CSMD1: variants seen among roughly 807,000 people sequenced by gnomAD.
The protein encoded by CSMD1 is CUB and sushi domain-containing protein 1.
In CSMD1, 213 loss-of-function variants were observed where a neutral mutation model predicts 417.5. That is an observed-to-expected ratio of 0.51 (90% CI 0.46 to 0.57). The LOEUF (loss-of-function observed/expected upper bound fraction) is 0.57. Among genes scored for constraint, CSMD1 ranks in the 20% least tolerant of loss-of-function variants. The pLI, the probability that CSMD1 is intolerant of heterozygous loss-of-function variation, is 0.00. For missense variants in CSMD1, 6,923 were observed against 4,529.7 expected (o/e 1.53, Z -15.17); for synonymous variants, 2,862 against 1,736.8 (o/e 1.65, Z -16.11).
chr8:3,360,242 T>C (rs147020444), intron 20 of CSMD1, among the ~76,000 whole-genome samples: 1,550 of 152,338 alleles, frequency 0.01, 30 homozygotes, highest in Middle Eastern at 0.034. Context: ...AAGTGCTAAA[T>C]ATAAATTAAA....
intron 50 of CSMD1, among the ~76,000 whole-genome samples, chr8:3,046,606 C>T (rs1475385343): frequency 6.6e-6 from 1 of 152,174 alleles, no homozygotes; most frequent in African/African-American, 2.4e-5. Context: ...TCTCCCTCCA[C>T]CACGGTACAG....
At chr8:4,944,316 A>T (rs187703927) in intron 1 of CSMD1, among the ~76,000 whole-genome samples, 244 of 152,362 alleles carry the variant, frequency 1.6e-3, no homozygotes, top group African/African-American at 5.7e-3. Context: ...TACAGAGCAG[A>T]CCAAGAGAAG....
chr8:4,840,476 CTTTTG>C (rs1184161867), intron 1 of CSMD1, among the ~76,000 whole-genome samples: 1 of 152,122 alleles, frequency 6.6e-6, no homozygotes, highest in African/African-American at 2.4e-5. Flanking sequence ...CACGTTAGGT[CTTTTG>C]TTTTATTCGA....
chr8:3,228,721 T>C (rs1197793578), intron 27 of CSMD1, among the ~76,000 whole-genome samples: 1 of 151,938 alleles, frequency 6.6e-6, no homozygotes, highest in Non-Finnish European at 1.5e-5. Context: ...AGGGATTAAC[T>C]CGTAGTTATA....
chr8:4,519,298 G>A (rs1243684720), intron 2 of CSMD1, among the ~76,000 whole-genome samples: 3 of 151,972 alleles, frequency 2.0e-5, no homozygotes, highest in Admixed American at 6.6e-5. Flanking sequence ...TTAAATGGAA[G>A]AGTACCTAAA....
chr8:4,894,564 A>AG (rs1372835858), intron 1 of CSMD1, among the ~76,000 whole-genome samples: 2 of 38,532 alleles, frequency 5.2e-5, no homozygotes, highest in Non-Finnish European at 7.3e-5. Context: ...AAAAAGAAAA[A>AG]AAAAAAAAAA....
At chr8:4,218,428 T>C (rs1348219633) in intron 3 of CSMD1, among the ~76,000 whole-genome samples, 1 of 152,234 alleles carries the variant, frequency 6.6e-6, no homozygotes, top group East Asian at 1.9e-4. Context: ...ATTATATACC[T>C]ACTTTTATTC....
chr8:4,382,883 A>G (rs767269718), intron 3 of CSMD1, among the ~76,000 whole-genome samples: 19 of 152,202 alleles, frequency 1.2e-4, no homozygotes, highest in Non-Finnish European at 2.6e-4. Context: ...CAGTAAGATT[A>G]AATAAATTGT....
chr8:3,142,721 T>A, intron 40 of CSMD1, 47 bp from the exon 41 acceptor site: 1 of 1,427,892 alleles, frequency 7.0e-7, no homozygotes, highest in Non-Finnish European at 9.9e-7. Flanking sequence ...TCAAAATGTA[T>A]AAAATCAATG....
intron 3 of CSMD1, among the ~76,000 whole-genome samples, chr8:4,237,025 A>G (rs1049276304): frequency 3.3e-5 from 5 of 152,196 alleles, no homozygotes; most frequent in African/African-American, 1.2e-4. Flanking sequence ...CCATTGCTTC[A>G]TGGATATATG....
At position 4,680,968 on chromosome 8, in the gene CSMD1, G is replaced by GTT. The variant is rs1163816202; in HGVS notation, c.86-43411_86-43410insAA. 1.1e-4 allele frequency among the ~76,000 whole-genome samples: 14 copies of GTT among 123,038 alleles called. No homozygotes were observed. The East Asian group carries it at 3.5e-3, about 31-fold the overall frequency. 80.7% of individuals were successfully genotyped at this position (123,038 alleles called of 152,430 possible). A position where few individuals can be genotyped will look rare whatever the true frequency, so the allele number is the denominator to read the frequency against. On this transcript the variant is annotated intron_variant, in intron 1 of 69. Coordinates refer to ENST00000635120, the MANE Select transcript of CSMD1 (RefSeq NM_033225.6). ...TATATTGATGTGTGTGTGTGTGTGT[G>GTT]TGTGTGTGAGAGAGAGAGAGAGAGA... is the stretch of plus-strand genomic sequence containing the variant.
rs1269693129 is a variant in CSMD1 at position 3,300,980 on chromosome 8, A to G, written c.3950+6715T>C. On this transcript the variant is annotated intron_variant, in intron 25 of 69. Transcript: ENST00000635120. ...TCTCAAAAAAAAAAAAAAAAAAAAA[A>G]AGAGAAAGAAAAATTAGAAATGGTA... 2.1e-3 allele frequency among the ~76,000 whole-genome samples: 302 copies of G among 145,112 alleles called. 2 individuals carry two copies. Among genetic ancestry groups the G allele is most frequent in the African/African-American group, 7.1e-3 (284 of 40,144 alleles).
intron 3 of CSMD1, among the ~76,000 whole-genome samples, chr8:4,104,271 C>A (rs59093083): frequency 6.6e-6 from 1 of 152,136 alleles, no homozygotes; most frequent in East Asian, 1.9e-4. Flanking sequence ...CTCACTCCAT[C>A]TTTTCTTTTG....
At chr8:3,888,343 G>A (rs1806704872) in intron 5 of CSMD1, among the ~76,000 whole-genome samples, 1 of 152,138 alleles carries the variant, frequency 6.6e-6, no homozygotes, top group Admixed American at 6.6e-5. Flanking sequence ...GTCAAAGGAT[G>A]GTGATTACTC....
chr8:4,456,079 AAAATGT>A (rs1799461439), intron 2 of CSMD1, among the ~76,000 whole-genome samples: 1 of 125,590 alleles, frequency 8.0e-6, no homozygotes. Context: ...AAAAAAAAAA[AAAATGT>A]GAAAGTACGT....
chr8:3,891,340 G>T (rs1010178337), intron 5 of CSMD1, among the ~76,000 whole-genome samples: 2 of 152,022 alleles, frequency 1.3e-5, no homozygotes, highest in East Asian at 1.9e-4. Context: ...GTGAGCCACC[G>T]CGCCTATCCT....
intron 3 of CSMD1, among the ~76,000 whole-genome samples, chr8:4,301,082 C>T (rs28800590): frequency 0.14 from 21,611 of 152,102 alleles, 1,806 homozygotes; most frequent in Non-Finnish European, 0.19. Flanking sequence ...AAAGTGGATG[C>T]CTAATGAGTT....
intron 5 of CSMD1, among the ~76,000 whole-genome samples, chr8:3,875,458 G>A (rs568898292): frequency 3.3e-5 from 5 of 152,278 alleles, no homozygotes; most frequent in Non-Finnish European, 4.4e-5. Flanking sequence ...AGGTGAATGG[G>A]TGGAAAAGCC....
At chr8:4,271,253 A>C (rs1218938186) in intron 3 of CSMD1, among the ~76,000 whole-genome samples, 1 of 152,226 alleles carries the variant, frequency 6.6e-6, no homozygotes, top group Non-Finnish European at 1.5e-5. Context: ...GTGGACACTC[A>C]GGACCATGAA....
Sources: gnomAD v4.1 joint callset for allele counts (sites outside exome capture counted in the v4.1 genomes callset) on GRCh38, gnomAD v4.1.1 for gene constraint, MANE v1.5 for transcripts, NCBI Gene and HGNC (gene_info 2026-07-23, HGNC 2026-07-21) for gene names.